The following RABGAP1 variants were observed in gnomAD, a reference collection of about 807,000 sequenced individuals.
RABGAP1 encodes RAB GTPase activating protein 1, also known as rab GTPase-activating protein 1.
Under a neutral mutation model 137.6 loss-of-function variants are expected in RABGAP1, and 23 were observed. The ratio of observed to expected loss-of-function variants is 0.17; its 90% confidence interval spans 0.12 to 0.24. RABGAP1 has a LOEUF of 0.24. RABGAP1 is among the 10% of genes least tolerant of loss of function. The pLI, the probability that RABGAP1 is intolerant of heterozygous loss-of-function variation, is 1.00. For synonymous variants in RABGAP1, 451 were observed against 450.7 expected (o/e 1.00, Z -0.01); for missense variants, 906 against 1,275.8 (o/e 0.71, Z 4.42).
In RABGAP1 at chr9:122,949,104, G is replaced by A. The variant is rs374235545; in HGVS notation, c.-49-7907G>A. Among the ~76,000 whole-genome samples the A allele has an allele frequency of 3.5e-4, 53 of 152,300 alleles. 1 individual carries two copies. The South Asian group carries it at 0.01, about 30-fold the overall frequency. On this transcript the variant is annotated intron_variant, in intron 1 of 25. Coordinates refer to ENST00000373647, the MANE Select transcript of RABGAP1 (RefSeq NM_012197.4). The stretch of plus-strand genomic sequence containing the variant: ...AGAAAAGAAGCGTTGGGCTAGGTGC[G>A]GTGGCTCACGCTTGTAATCCCAGCA...
chr9:123,037,528 G>A (rs1408589612), intron 13 of RABGAP1, among the ~76,000 whole-genome samples: 3 of 152,090 alleles, frequency 2.0e-5, no homozygotes, highest in African/African-American at 7.2e-5. Context: ...AAAAATGGTT[G>A]TATTGTATAC....
At chr9:123,071,585 A>G (rs2034357979) in intron 15 of RABGAP1, 1 of 152,246 alleles carries the variant, frequency 6.6e-6, no homozygotes, top group African/African-American at 2.4e-5. Flanking sequence ...ACACAAGTAT[A>G]TCATTTATTA....
intron 1 of RABGAP1, among the ~76,000 whole-genome samples, chr9:122,941,892 T>C (rs1012477321): frequency 6.6e-6 from 1 of 152,274 alleles, no homozygotes; most frequent in Admixed American, 6.5e-5. Flanking sequence ...TACTCGAGAA[T>C]TCTTTTTTGG....
At chr9:123,071,556 TAG>T (rs2034356827) in intron 15 of RABGAP1, 1 of 152,240 alleles carries the variant, frequency 6.6e-6, no homozygotes, top group African/African-American at 2.4e-5. Flanking sequence ...TGAATCCAAC[TAG>T]CTTTAAGCAC....
intron 3 of RABGAP1, among the ~76,000 whole-genome samples, chr9:122,985,529 C>G (rs1836322584): frequency 7.0e-6 from 1 of 143,636 alleles, no homozygotes; most frequent in Non-Finnish European, 1.5e-5. Flanking sequence ...GCGGGAATTG[C>G]TTGAAACCAG....
chr9:123,011,800 A>G (rs1200948081), intron 11 of RABGAP1, among the ~76,000 whole-genome samples: 2 of 338 alleles, frequency 5.9e-3, no homozygotes, highest in Admixed American at 0.17. Flanking sequence ...ACTAAATACA[A>G]AAAAATTAGC....
At chr9:123,056,584 A>G (rs2033708471) in intron 13 of RABGAP1, among the ~76,000 whole-genome samples, 1 of 150,714 alleles carries the variant, frequency 6.6e-6, no homozygotes, top group South Asian at 2.1e-4. Context: ...CAGACAAACA[A>G]GTGAACAAAG....
chr9:123,091,706 A>T (rs1257504624), intron 21 of RABGAP1, among the ~76,000 whole-genome samples: 1 of 152,040 alleles, frequency 6.6e-6, no homozygotes, highest in Admixed American at 6.5e-5. Context: ...AACTGAATTT[A>T]ACAGGGAAGG....
intron 6 of RABGAP1, among the ~76,000 whole-genome samples, chr9:122,994,932 C>T (rs1588234766): frequency 6.6e-6 from 1 of 152,018 alleles, no homozygotes; most frequent in South Asian, 2.1e-4. Flanking sequence ...GCCTGGGCAA[C>T]ATAGCAAGAT....
At chr9:123,077,299 G>A (rs1350619643) in intron 19 of RABGAP1, among the ~76,000 whole-genome samples, 1 of 151,786 alleles carries the variant, frequency 6.6e-6, no homozygotes, top group Non-Finnish European at 1.5e-5. Context: ...ACAGGTATGT[G>A]CCACTACACC....
chr9:123,036,496 A>G (rs550569046), intron 13 of RABGAP1, among the ~76,000 whole-genome samples: 4 of 152,356 alleles, frequency 2.6e-5, no homozygotes, highest in African/African-American at 7.2e-5. Context: ...TGGTGACTAT[A>G]TACAAAAATG....
rs181988712 is a variant in RABGAP1, at chr9:122,953,273, A to G, written c.-49-3738A>G. On this transcript the variant is annotated intron_variant, in intron 1 of 25. Transcript: ENST00000373647. Reference sequence around the variant, plus strand: ...TGGGCGCTTATAATGTTCTTTGTGTATTGTTAAATGTTTTATGTATAGTCC... The same window carrying G: ...TGGGCGCTTATAATGTTCTTTGTGTGTTGTTAAATGTTTTATGTATAGTCC... Among the ~76,000 whole-genome samples, 3 of 152,266 alleles carry G rather than the reference A, an allele frequency of 2.0e-5. No homozygotes were observed. The East Asian group carries it at 5.8e-4, about 29-fold the overall frequency.
chr9:122,941,295 A>C (rs944221101), intron 1 of RABGAP1, among the ~76,000 whole-genome samples: 18 of 152,012 alleles, frequency 1.2e-4, no homozygotes, highest in African/African-American at 4.4e-4. Context: ...CGGAGGGGAG[A>C]GGGCGCATGC....
the RABGAP1 span, among the ~76,000 whole-genome samples, chr9:122,934,400 A>C: frequency 6.6e-6 from 1 of 151,936 alleles, no homozygotes; most frequent in South Asian, 2.1e-4. Context: ...TTTTCAATCT[A>C]TTTGTGTCTT....
At chr9:123,034,778 T>G (rs1181563647) in intron 13 of RABGAP1, 2 of 1,613,750 alleles carry the variant, frequency 1.2e-6, no homozygotes, top group Admixed American at 3.3e-5. Flanking sequence ...ATCCAGACTA[T>G]GGCATATGCT....
intron 11 of RABGAP1, among the ~76,000 whole-genome samples, chr9:123,015,289 CTTTTTTTTT>C (rs34492374): frequency 8.2e-6 from 1 of 121,694 alleles, no homozygotes; most frequent in Non-Finnish European, 1.7e-5. Context: ...TAAATAGCTC[CTTTTTTTTT>C]TTTTTTTTTT....
At chr9:123,100,421 GTGTGTGTGTGTGTGTGTT>G (rs2035310047) in intron 24 of RABGAP1, among the ~76,000 whole-genome samples, 1 of 149,764 alleles carries the variant, frequency 6.7e-6, no homozygotes, top group Non-Finnish European at 1.5e-5. Flanking sequence ...GTGTGTGTGT[GTGTGTGTGTGTGTGTGTT>G]TGAGACAGAG....
At chr9:122,950,089 A>G (rs918929834) in intron 1 of RABGAP1, among the ~76,000 whole-genome samples, 1 of 152,210 alleles carries the variant, frequency 6.6e-6, no homozygotes, top group Admixed American at 6.5e-5. Context: ...GGAGCAATAA[A>G]TAGTTTTGAG....
At chr9:122,990,814 T>A (rs1255771354) in intron 6 of RABGAP1, 22 of 110,010 alleles carry the variant, frequency 2.0e-4, no homozygotes, top group South Asian at 6.5e-4. Context: ...TATATATATA[T>A]ATATATATAT....
Sources: allele counts gnomAD v4.1 joint callset (sites outside exome capture counted in the v4.1 genomes callset), GRCh38; gene constraint gnomAD v4.1.1; transcripts MANE v1.5; gene names NCBI Gene and HGNC (gene_info 2026-07-23, HGNC 2026-07-21).